ELAPOR2: variants seen among roughly 807,000 people sequenced by gnomAD.
The protein encoded by ELAPOR2 is endosome-lysosome associated apoptosis and autophagy regulator family member 2.
A neutral mutation model predicts 120.7 loss-of-function variants in ELAPOR2; 89 were observed. The observed-to-expected ratio is 0.74, with a 90% CI of 0.62 to 0.88. ELAPOR2 has a LOEUF of 0.88. Among genes scored for constraint, ELAPOR2 ranks in the 40% least tolerant of loss-of-function variants. The probability of loss-of-function intolerance (pLI) is 0.00; values close to 1 mark genes in which losing one functional copy is unlikely to be tolerated. For synonymous variants in ELAPOR2, 444 were observed against 444.9 expected (o/e 1.00, Z 0.03); for missense variants, 1,134 against 1,251.6 (o/e 0.91, Z 1.42).
At chr7:87,002,849 TG>T (rs1562963894) in intron 1 of ELAPOR2, among the ~76,000 whole-genome samples, 1 of 152,106 alleles carries the variant, frequency 6.6e-6, no homozygotes, top group Non-Finnish European at 1.5e-5. Context: ...GACACTTCTG[TG>T]AGTTGCCAGC....
chr7:87,005,512 G>C (rs7801050), intron 1 of ELAPOR2, among the ~76,000 whole-genome samples: 3 of 152,112 alleles, frequency 2.0e-5, no homozygotes, highest in African/African-American at 4.8e-5. Context: ...GATTTCCCTA[G>C]GTAAAAGCTG....
chr7:86,966,322 G>C (rs1234262557), intron 1 of ELAPOR2, among the ~76,000 whole-genome samples: 2 of 152,024 alleles, frequency 1.3e-5, no homozygotes, highest in Non-Finnish European at 2.9e-5. Flanking sequence ...TTATTTATGA[G>C]ATATTCCTCT....
intron 10 of ELAPOR2, among the ~76,000 whole-genome samples, chr7:86,923,296 C>A (rs949661778): frequency 6.6e-6 from 1 of 151,720 alleles, no homozygotes; most frequent in African/African-American, 2.4e-5. Flanking sequence ...TAGAATGTCC[C>A]CAACATTAAA....
At chr7:87,050,977 TGTCAGGAGTTCA>T (rs1795082828) in intron 1 of ELAPOR2, among the ~76,000 whole-genome samples, 1 of 152,106 alleles carries the variant, frequency 6.6e-6, no homozygotes, top group Non-Finnish European at 1.5e-5. Flanking sequence ...TTGGGGAAAA[TGTCAGGAGTTCA>T]GTTTGGTACC....
At chr7:86,963,080 C>A (rs1001742091) in intron 2 of ELAPOR2, among the ~76,000 whole-genome samples, 1 of 152,096 alleles carries the variant, frequency 6.6e-6, no homozygotes, top group African/African-American at 2.4e-5. Flanking sequence ...TCAGACAAAA[C>A]ACAAAGATAA....
chr7:87,050,448 ATG>A (rs920487979), intron 1 of ELAPOR2, among the ~76,000 whole-genome samples: 6 of 152,022 alleles, frequency 3.9e-5, no homozygotes, highest in Non-Finnish European at 7.4e-5. Context: ...TTACCATGTG[ATG>A]TCCCTGCTCC....
rs375260562 is a variant in ELAPOR2 at position 87,023,978 on chromosome 7, G to C, written c.189+35347C>G. Among the ~76,000 whole-genome samples the C allele has an allele frequency of 5.3e-3, 811 of 152,206 alleles. 7 individuals carry two copies. Among genetic ancestry groups the C allele is most frequent in the Middle Eastern group, 0.02 (6 of 294 alleles). On this transcript the variant is annotated intron_variant, in intron 1 of 21. Transcript: ENST00000450689. ...AGGAGATTTTGGGCTGAGACGATGGGGTTTTCTAGATATACAATCATGTCA... is the reference window on the plus strand; with the variant it reads ...AGGAGATTTTGGGCTGAGACGATGGCGTTTTCTAGATATACAATCATGTCA...
chr7:87,021,148 C>T (rs1380641289), intron 1 of ELAPOR2, among the ~76,000 whole-genome samples: 5 of 152,044 alleles, frequency 3.3e-5, no homozygotes, highest in Non-Finnish European at 5.9e-5. Flanking sequence ...GGGATTTAAA[C>T]CCAGCCAGAC....
intron 2 of ELAPOR2, among the ~76,000 whole-genome samples, chr7:86,958,121 G>A (rs963195084): frequency 6.6e-6 from 1 of 152,136 alleles, no homozygotes; most frequent in Non-Finnish European, 1.5e-5. Flanking sequence ...ATTCCAAAGA[G>A]ACAGTCCCAT....
At chr7:87,037,616 A>G (rs775681236) in intron 1 of ELAPOR2, among the ~76,000 whole-genome samples, 3 of 152,240 alleles carry the variant, frequency 2.0e-5, no homozygotes, top group East Asian at 1.9e-4. Context: ...CCTGCGTCCA[A>G]TGTGATTTCC....
intron 1 of ELAPOR2, among the ~76,000 whole-genome samples, chr7:86,975,959 G>C (rs924268790): frequency 3.3e-5 from 5 of 152,120 alleles, no homozygotes; most frequent in African/African-American, 1.2e-4. Flanking sequence ...CATTTTTCTG[G>C]CCAGAAGAAT....
At chr7:86,894,672 G>C (rs1177328516) in intron 19 of ELAPOR2, among the ~76,000 whole-genome samples, 2 of 152,016 alleles carry the variant, frequency 1.3e-5, no homozygotes, top group African/African-American at 2.4e-5. Context: ...CTATTAATTA[G>C]AAAGTCTTAT....
At chr7:86,989,064 CT>C (rs1792854063) in intron 1 of ELAPOR2, among the ~76,000 whole-genome samples, 1 of 152,036 alleles carries the variant, frequency 6.6e-6, no homozygotes, top group Admixed American at 6.6e-5. Flanking sequence ...TGCAAAGATC[CT>C]TCATAAATAA....
intron 21 of ELAPOR2, among the ~76,000 whole-genome samples, chr7:86,883,835 C>T (rs1472553156): frequency 6.6e-6 from 1 of 152,126 alleles, no homozygotes; most frequent in East Asian, 1.9e-4. Context: ...GATGTATATT[C>T]ATTTCTCAAA....
intron 15 of ELAPOR2, among the ~76,000 whole-genome samples, chr7:86,910,952 T>A (rs1385618865): frequency 1.3e-5 from 2 of 151,872 alleles, no homozygotes; most frequent in Non-Finnish European, 2.9e-5. Context: ...AATTAAAATG[T>A]TGAAGCCAAT....
intron 6 of ELAPOR2, among the ~76,000 whole-genome samples, chr7:86,939,335 G>A (rs951182163): frequency 6.6e-6 from 1 of 151,992 alleles, no homozygotes; most frequent in Non-Finnish European, 1.5e-5. Context: ...TTAAGTCACA[G>A]GTAAGACCTA....
At chr7:86,906,762 G>C (rs1343190221) in intron 18 of ELAPOR2, among the ~76,000 whole-genome samples, 2 of 152,018 alleles carry the variant, frequency 1.3e-5, no homozygotes, top group Non-Finnish European at 2.9e-5. Flanking sequence ...GGTGCAATGG[G>C]TCACACCTGT....
In ELAPOR2 at chr7:86,913,056, A is replaced by G; in HGVS notation, c.1880T>C (p.Ile627Thr). 1 of 1,614,054 alleles carries G rather than the reference A, an allele frequency of 6.2e-7. No homozygotes were observed. The highest frequency in any genetic ancestry group is 8.5e-7 in the Non-Finnish European group (1 of 1,179,990). The part of the protein sequence containing the change: ...SCVPCPPGHY[I>T]EKETNQCKEC... ...CTTGCACTGGTTGGTTTCTTTCTCA[A>G]TGTAGTGGCCTGGAGGGCAGGGGAC... Residue 627 changes from isoleucine (I) to threonine (T), a missense_variant, in exon 14 of 22, where the codon ATT (isoleucine) becomes ACT (threonine). Transcript: ENST00000450689.
chr7:86,985,839 C>T (rs1792710435), intron 1 of ELAPOR2, among the ~76,000 whole-genome samples: 1 of 151,806 alleles, frequency 6.6e-6, no homozygotes, highest in Non-Finnish European at 1.5e-5. Context: ...CACAACAGGC[C>T]CCAGTGTGTG....
Sources: gnomAD v4.1 joint callset for allele counts (sites outside exome capture counted in the v4.1 genomes callset) on GRCh38, gnomAD v4.1.1 for gene constraint, MANE v1.5 for transcripts, NCBI Gene and HGNC (gene_info 2026-07-23, HGNC 2026-07-21) for gene names.